ETS2: variants seen among roughly 807,000 people sequenced by gnomAD.
The protein encoded by ETS2 is protein C-ets-2.
ETS2 carries 19 observed loss-of-function variants against 54.9 expected under a neutral mutation model. That is an observed-to-expected ratio of 0.35 (90% confidence interval 0.24 to 0.51). The LOEUF is 0.51. Ranked by LOEUF, ETS2 falls within the 20% of genes least tolerant of loss-of-function variation. ETS2 has a pLI of 0.97. For synonymous variants in ETS2, 219 were observed against 229.3 expected, an observed-to-expected ratio of 0.95 and a Z score of 0.41; for missense variants, 417 against 593.0, an observed-to-expected ratio of 0.70 and a Z score of 3.08.
At chr21:38,807,274 TTTC>T (rs2123403733) in intron 1 of ETS2, among the ~76,000 whole-genome samples, 1 of 152,354 alleles carries the variant, frequency 6.6e-6, no homozygotes, top group South Asian at 2.1e-4. Flanking sequence ...GGTTGTGTTG[TTTC>T]TTTTTTTTGT....
intron 2 of ETS2, among the ~76,000 whole-genome samples, chr21:38,810,816 G>A (rs1306368281): frequency 3.3e-5 from 5 of 152,148 alleles, no homozygotes; most frequent in Non-Finnish European, 7.3e-5. Context: ...AAAGTTTAGC[G>A]TCTTGCATAA....
At chr21:38,810,219 T>G (rs767148717) in intron 2 of ETS2, 113 bp downstream of exon 2, 35 of 618,654 alleles carry the variant, frequency 5.7e-5, no homozygotes, top group Non-Finnish European at 8.7e-5. Context: ...CTTCTTAATT[T>G]ATTGGCCATG....
rs2060957536 is a variant in ETS2, at chr21:38,821,411, A to T, written c.1076-175A>T. Among the ~76,000 whole-genome samples the T allele has an allele frequency of 6.6e-6, 1 of 152,208 alleles. No individual in the cohort carries two copies. The highest frequency in any genetic ancestry group is 6.5e-5 in the Admixed American group (1 of 15,276). On this transcript the variant is annotated intron_variant, in intron 8 of 9. Transcript: ENST00000360938. The surrounding 1 kb of genome is among the most constrained non-coding windows in gnomAD (Gnocchi z 4.2). Reference sequence around the variant, plus strand: ...TTGGTGCCCCGCCCCATCCCGTTAAAGCACTTAGTACTGTCACCAACACCT... The same window carrying T: ...TTGGTGCCCCGCCCCATCCCGTTAATGCACTTAGTACTGTCACCAACACCT...
At position 38,822,588 on chromosome 21, in the gene ETS2, C is replaced by T. The variant is rs2060962552; in HGVS notation, c.1195-86C>T. ...AGTTCTCTCTAGAGTGAACATGCCT[C>T]AGAATCATAATCAGGGAGGAATGTC... On this transcript the variant is annotated intron_variant, in intron 9 of 9. Coordinates refer to ENST00000360938, the MANE Select transcript of ETS2 (RefSeq NM_005239.6). 3.2e-6 allele frequency: 4 copies of T among 1,233,614 alleles called. No homozygotes were observed. In the Admixed American group the frequency reaches 8.2e-5, roughly 25 times the overall value. The allele number at this position is 1,233,614 out of a possible 1,614,324, so 76.4% of individuals were successfully genotyped here. A position where few individuals can be genotyped will look rare whatever the true frequency, so the allele number is the denominator to read the frequency against.
chr21:38,812,088 T>C (rs1339496188), intron 2 of ETS2, among the ~76,000 whole-genome samples: 1 of 152,224 alleles, frequency 6.6e-6, no homozygotes, highest in African/African-American at 2.4e-5. Context: ...AATTTTGTCA[T>C]GTATTACTAT....
At chr21:38,808,824 G>A (rs1268816764) in intron 1 of ETS2, among the ~76,000 whole-genome samples, 1 of 152,174 alleles carries the variant, frequency 6.6e-6, no homozygotes, top group African/African-American at 2.4e-5. Context: ...CCCAGTGGAG[G>A]CCATGGAGCT....
In ETS2 at chr21:38,806,167, C is replaced by T; in HGVS notation, c.-1+47C>T. 2.0e-6 allele frequency: 2 copies of T among 999,916 alleles called. No individual in the cohort carries two copies. The highest frequency in any genetic ancestry group is 2.4e-6 in the Non-Finnish European group (2 of 839,946). 61.9% of individuals were successfully genotyped at this position (999,916 alleles called of 1,614,324 possible). A position where few individuals can be genotyped will look rare whatever the true frequency, so the allele number is the denominator to read the frequency against. On this transcript the variant is annotated intron_variant, in intron 1 of 9. Coordinates refer to ENST00000360938, the MANE Select transcript of ETS2 (RefSeq NM_005239.6). The surrounding 1 kb of genome is among the most constrained non-coding windows in gnomAD (Gnocchi z 4.3). ...AGCGCCCGGCGCGCGGCTCCAGTCCCATGGAGGGTCACCCGGGGCCTGGGC... is the reference window on the plus strand; with the variant it reads ...AGCGCCCGGCGCGCGGCTCCAGTCCTATGGAGGGTCACCCGGGGCCTGGGC...
chr21:38,811,890 G>T (rs1189290762), intron 2 of ETS2, among the ~76,000 whole-genome samples: 2 of 151,968 alleles, frequency 1.3e-5, no homozygotes, highest in East Asian at 1.9e-4. Context: ...CTTCTCTGTT[G>T]CCCAGGCGGG....
At chr21:38,817,850 C>T (rs2060941523) in intron 6 of ETS2, among the ~76,000 whole-genome samples, 1 of 152,222 alleles carries the variant, frequency 6.6e-6, no homozygotes, top group African/African-American at 2.4e-5. Context: ...CTCTCTGCCC[C>T]ACTGGGGGCT....
Position 38,819,496 on chromosome 21 carries a change from T to A in ETS2, c.812-7T>A. The A allele has an allele frequency of 1.2e-6, 2 of 1,613,340 alleles. No individual in the cohort carries two copies. The highest frequency in any genetic ancestry group is 1.7e-6 in the Non-Finnish European group (2 of 1,179,326). ...AATCAAAGTATGTGTTTGGTTGTCT[T>A]TGCCAGGGACTCCCAAAGACCACGA... On this transcript the variant is annotated splice_region_variant and splice_polypyrimidine_tract_variant and intron_variant, in intron 7 of 9. Transcript: ENST00000360938.
intron 2 of ETS2, among the ~76,000 whole-genome samples, chr21:38,811,200 AG>A (rs1321730042): frequency 6.7e-6 from 1 of 148,542 alleles, no homozygotes. Flanking sequence ...AAAAAAAAAA[AG>A]AATTTACGGT....
chr21:38,808,394 T>C (rs2060901298), intron 1 of ETS2, among the ~76,000 whole-genome samples: 1 of 152,208 alleles, frequency 6.6e-6, no homozygotes, highest in South Asian at 2.1e-4. Context: ...CAAGTGGAGA[T>C]TCTGAGTGAA....
At position 38,805,952 on chromosome 21, in the gene ETS2, G is replaced by A. The variant is rs1283431967; in HGVS notation, c.-169G>A. On this transcript the variant is annotated 5_prime_UTR_variant, in exon 1 of 10. Coordinates refer to ENST00000360938, the MANE Select transcript of ETS2 (RefSeq NM_005239.6). The surrounding 1 kb of genome is among the most constrained non-coding windows in gnomAD (Gnocchi z 5.2). Reference sequence around the variant, plus strand: ...CCGGTTACTTCCTCCAGAGACTGACGAGTGCGGTGTCGCTCCAGCTCAGAG... The same window carrying A: ...CCGGTTACTTCCTCCAGAGACTGACAAGTGCGGTGTCGCTCCAGCTCAGAG... 10 of 1,270,282 alleles carry A rather than the reference G, an allele frequency of 7.9e-6. No individual in the cohort carries two copies. The Admixed American group carries it at 9.7e-5, about 12-fold the overall frequency. 78.7% of individuals were successfully genotyped at this position (1,270,282 alleles called of 1,614,324 possible).
Position 38,821,695 on chromosome 21 carries a change from C to T in ETS2, c.1185C>T (p.Asp395=), listed in dbSNP as rs1228007843. The change falls in exon 9 of 10, where the codon GAC becomes GAT. Residue 395 remains aspartate (D), a synonymous_variant. Transcript: ENST00000360938. The surrounding 1 kb of genome is among the most constrained non-coding windows in gnomAD (Gnocchi z 4.2). The part of the protein sequence containing the change: ...TGDGWEFKLA[D]PDEVARRWGK... ...ACGGATGGGAGTTTAAGCTCGCCGA[C>T]CCCGATGAGGTATGGCCAGAGCCCT... 2.5e-6 allele frequency: 4 copies of T among 1,610,050 alleles called. No individual in the cohort carries two copies. The highest frequency in any genetic ancestry group is 1.7e-5 in the Admixed American group (1 of 59,994).
In ETS2 at chr21:38,824,632, T is replaced by C. The variant is rs2060972013; in HGVS notation, c.*1743T>C. 6.6e-6 allele frequency: 1 copy of C among 152,536 alleles called. No homozygotes were observed. Among genetic ancestry groups the C allele is most frequent in the Non-Finnish European group, 1.5e-5 (1 of 68,042 alleles). 9.4% of individuals were successfully genotyped at this position (152,536 alleles called of 1,614,324 possible). Reference sequence around the variant, plus strand: ...CACAAAAGACCATTCCCAGTATACATAAGCACAGGATGTTTTTCTCAAGAG... The same window carrying C: ...CACAAAAGACCATTCCCAGTATACACAAGCACAGGATGTTTTTCTCAAGAG... On this transcript the variant is annotated 3_prime_UTR_variant, in exon 10 of 10. Coordinates refer to ENST00000360938, the MANE Select transcript of ETS2 (RefSeq NM_005239.6).
intron 2 of ETS2, among the ~76,000 whole-genome samples, chr21:38,811,825 T>G (rs968175121): frequency 1.3e-5 from 2 of 151,960 alleles, no homozygotes; most frequent in South Asian, 2.1e-4. Context: ...GTGATTTGGG[T>G]TTTTTTTGTT....
intron 8 of ETS2, among the ~76,000 whole-genome samples, chr21:38,820,104 C>G (rs1341724197): frequency 6.6e-6 from 1 of 152,194 alleles, no homozygotes; most frequent in Non-Finnish European, 1.5e-5. Context: ...AGAATGTAAA[C>G]TGGCTTAGGG....
At position 38,814,121 on chromosome 21, in the gene ETS2, GT is replaced by G. The variant is rs766697974; in HGVS notation, c.185-146del. 16 of 707,976 alleles carry G rather than the reference GT, an allele frequency of 2.3e-5. No individual in the cohort carries two copies. The highest frequency in any genetic ancestry group is 3.6e-5 in the African/African-American group (2 of 56,148). The allele number at this position is 707,976 out of a possible 1,614,324, so 43.9% of individuals were successfully genotyped here. Reference sequence around the variant, plus strand: ...TATTTTCTCAATTATAGTCAGAAAAGTTTTTTGTTAATAGTTACACTGTTTT... The same window carrying G: ...TATTTTCTCAATTATAGTCAGAAAAGTTTTTGTTAATAGTTACACTGTTTT... On this transcript the variant is annotated intron_variant, in intron 3 of 9. Coordinates refer to ENST00000360938, the MANE Select transcript of ETS2 (RefSeq NM_005239.6). The surrounding 1 kb of genome is among the most constrained non-coding windows in gnomAD (Gnocchi z 4.2).
In ETS2 at chr21:38,806,436, T is replaced by G. The variant is rs1305117123; in HGVS notation, c.-1+316T>G. 2.0e-6 allele frequency: 2 copies of G among 985,380 alleles called. No homozygotes were observed. Among genetic ancestry groups the G allele is most frequent in the East Asian group, 2.3e-4 (2 of 8,798 alleles). The allele number at this position is 985,380 out of a possible 1,614,324, so 61.0% of individuals were successfully genotyped here. On this transcript the variant is annotated intron_variant, in intron 1 of 9. Coordinates refer to ENST00000360938, the MANE Select transcript of ETS2 (RefSeq NM_005239.6). The surrounding 1 kb of genome is among the most constrained non-coding windows in gnomAD (Gnocchi z 4.3). ...GGGCGCGCTGGCTTGTTTCGCTCGC[T>G]TTTGTTTTTAAAAGGAAACGCAGGC... is the stretch of plus-strand genomic sequence containing the variant.
Sources: allele counts gnomAD v4.1 joint callset (sites outside exome capture counted in the v4.1 genomes callset), GRCh38; gene constraint gnomAD v4.1.1; non-coding constraint Gnocchi (gnomAD v3.1); transcripts MANE v1.5; gene names NCBI Gene and HGNC (gene_info 2026-07-23, HGNC 2026-07-21).